The following FAM161B variants were observed in gnomAD, a reference collection of about 807,000 sequenced individuals.
FAM161B encodes FAM161 centrosomal protein B, also known as protein FAM161B.
In FAM161B, 46 loss-of-function variants were observed where a neutral mutation model predicts 61.5. The ratio of observed to expected loss-of-function variants is 0.75; its 90% confidence interval spans 0.59 to 0.96. The LOEUF is 0.96. FAM161B is among the 40% of genes least tolerant of loss of function. The probability of loss-of-function intolerance (pLI) is 0.00; values close to 1 mark genes in which losing one functional copy is unlikely to be tolerated. For synonymous variants in FAM161B, 284 were observed against 302.7 expected, an observed-to-expected ratio of 0.94 and a Z score of 0.64; for missense variants, 774 against 800.7, an observed-to-expected ratio of 0.97 and a Z score of 0.40.
At chr14:73,934,589 A>G (rs976321674) in intron 8 of FAM161B, among the ~76,000 whole-genome samples, 195 bp from the exon 9 acceptor site, 4 of 151,152 alleles carry the variant, frequency 2.6e-5, no homozygotes, top group African/African-American at 9.7e-5. Context: ...GGCACGTGCC[A>G]CTGCACCCAG....
the FAM161B span, chr14:73,924,641 A>C: frequency 2.3e-6 from 1 of 437,676 alleles, no homozygotes; most frequent in Non-Finnish European, 4.5e-6. Context: ...GTATTACATT[A>C]GTTTTTATGG....
downstream of FAM161B, chr14:73,927,000 C>T (rs939172204): frequency 1.3e-5 from 2 of 152,982 alleles, no homozygotes; most frequent in Non-Finnish European, 2.9e-5. Context: ...TTTTGGCAAC[C>T]ATTACTGATC....
chr14:73,944,815 G>A lies in FAM161B; in HGVS notation c.445C>T (p.Pro149Ser). The change falls in exon 3 of 9, where the codon CCA becomes TCA. Residue 149 changes from proline to serine, a missense_variant. Coordinates refer to ENST00000286544, the MANE Select transcript of FAM161B (RefSeq NM_152445.3). ...PSNIPRPQTQ[P>S]PSGSRPPSQH... is the part of the protein sequence containing the mutation. ...GAGGGAGGCCGGGAGCCTGAGGGTGGCTGGGTCTGAGGCCTGGGAATGTTG... is the reference window on the plus strand; with the variant it reads ...GAGGGAGGCCGGGAGCCTGAGGGTGACTGGGTCTGAGGCCTGGGAATGTTG... 1.3e-6 allele frequency: 2 copies of A among 1,566,088 alleles called. No homozygotes were observed. Among genetic ancestry groups the A allele is most frequent in the South Asian group, 1.2e-5 (1 of 83,424 alleles).
At chr14:73,944,039 G>A (rs1190460572) in intron 3 of FAM161B, among the ~76,000 whole-genome samples, 1 of 152,190 alleles carries the variant, frequency 6.6e-6, no homozygotes, top group African/African-American at 2.4e-5. Context: ...GTGTCTCACT[G>A]GTTCTCTATT....
intron 5 of FAM161B, among the ~76,000 whole-genome samples, chr14:73,938,716 G>A (rs1368311715): frequency 6.7e-6 from 1 of 148,670 alleles, no homozygotes; most frequent in Admixed American, 6.7e-5. Context: ...AGCTTGCAGT[G>A]AGCCGAGATC....
intron 3 of FAM161B, among the ~76,000 whole-genome samples, chr14:73,943,748 C>G (rs1372385140): frequency 6.6e-6 from 1 of 152,150 alleles, no homozygotes; most frequent in Non-Finnish European, 1.5e-5. Flanking sequence ...GTAAATAACT[C>G]GCCACATTTG....
At chr14:73,946,236 A>T (rs758095423) in intron 2 of FAM161B, 50 bp downstream of exon 2, 3 of 1,543,050 alleles carry the variant, frequency 1.9e-6, no homozygotes, top group Non-Finnish European at 2.7e-6. Context: ...ACACGATGTG[A>T]CCTGTGTGGA....
At position 73,944,763 on chromosome 14, in the gene FAM161B, G is replaced by T; in HGVS notation, c.497C>A (p.Ala166Glu). ...PSQHRSVSSW[A>E]SSITVPRPFR... ...TGGCCGAGGGACAGTAATGGATGAT[G>T]CCCAGGAGCTGACGCTTCTGTGCTG... The change falls in exon 3 of 9, where the codon GCA becomes GAA. Residue 166 changes from alanine to glutamate, a missense_variant. Coordinates refer to ENST00000286544, the MANE Select transcript of FAM161B (RefSeq NM_152445.3). 1 of 1,593,980 alleles carries T rather than the reference G, an allele frequency of 6.3e-7. No homozygotes were observed. Among genetic ancestry groups the T allele is most frequent in the Non-Finnish European group, 8.6e-7 (1 of 1,167,490 alleles).
rs2055937629 is a variant in FAM161B, at chr14:73,932,963, A to G, written c.*1293T>C. 1 of 152,620 alleles carries G rather than the reference A, an allele frequency of 6.6e-6. No individual in the cohort carries two copies. Among genetic ancestry groups the G allele is most frequent in the Non-Finnish European group, 1.5e-5 (1 of 68,344 alleles). 9.5% of individuals were successfully genotyped at this position (152,620 alleles called of 1,614,324 possible). A position where few individuals can be genotyped will look rare whatever the true frequency, so the allele number is the denominator to read the frequency against. On this transcript the variant is annotated 3_prime_UTR_variant, in exon 9 of 9. Transcript: ENST00000286544. ...TTATTGGTGAGAAGAAAATTATTCC[A>G]AAGTTCACCTACTAGTAGAAAATCT...
At chr14:73,942,340 G>T in intron 4 of FAM161B, 29 bp downstream of exon 4, 2 of 1,604,946 alleles carry the variant, frequency 1.2e-6, no homozygotes, top group South Asian at 2.2e-5. Context: ...CCGCAGCCCT[G>T]ACCCTCCCAC....
At chr14:73,938,208 T>A (rs1029132216) in intron 5 of FAM161B, 96 bp from the exon 6 acceptor site, 2 of 1,458,078 alleles carry the variant, frequency 1.4e-6, no homozygotes, top group African/African-American at 2.8e-5. Context: ...CTTGTAGTCC[T>A]AGCACTTTGG....
the FAM161B span, chr14:73,924,797 C>T: frequency 7.8e-6 from 3 of 387,020 alleles, no homozygotes; most frequent in South Asian, 1.9e-5. Flanking sequence ...CTGCCTCAGC[C>T]TCCTGAGTAG....
At chr14:73,923,374 C>G in the FAM161B span, 1 of 1,607,064 alleles carries the variant, frequency 6.2e-7, no homozygotes, top group East Asian at 2.2e-5. Flanking sequence ...TTCATTGAAA[C>G]ATTTTTCTGT....
Position 73,934,250 on chromosome 14 carries a change from T to C in FAM161B, c.*6A>G. On this transcript the variant is annotated 3_prime_UTR_variant, in exon 9 of 9. Coordinates refer to ENST00000286544, the MANE Select transcript of FAM161B (RefSeq NM_152445.3). ...TTTTCAAAAGCAGTAATTTTAAGTG[T>C]AGTGATTAAGCAAGTGATACGAGAT... 2 of 1,604,352 alleles carry C rather than the reference T, an allele frequency of 1.2e-6. No individual in the cohort carries two copies. The highest frequency in any genetic ancestry group is 1.7e-6 in the Non-Finnish European group (2 of 1,177,602).
intron 4 of FAM161B, 124 bp downstream of exon 4, chr14:73,942,245 A>G: frequency 2.1e-6 from 2 of 945,154 alleles, no homozygotes; most frequent in East Asian, 2.6e-5. Flanking sequence ...TCTGCTTACA[A>G]CTGAGCTGGT....
chr14:73,950,080 G>A lies in FAM161B; in HGVS notation c.-54C>T. 2 of 1,606,498 alleles carry A rather than the reference G, an allele frequency of 1.2e-6. No homozygotes were observed. Among genetic ancestry groups the A allele is most frequent in the South Asian group, 1.1e-5 (1 of 91,088 alleles). On this transcript the variant is annotated 5_prime_UTR_variant, in exon 1 of 9. Coordinates refer to ENST00000286544, the MANE Select transcript of FAM161B (RefSeq NM_152445.3). ...TGACAGCGATAGTGGCAGCAGCGGTGGCAGCGAGAGCTATGCGGGGCCAGG... is the reference window on the plus strand; with the variant it reads ...TGACAGCGATAGTGGCAGCAGCGGTAGCAGCGAGAGCTATGCGGGGCCAGG...
the FAM161B span, chr14:73,923,296 G>T: frequency 7.5e-7 from 1 of 1,334,528 alleles, no homozygotes; most frequent in Admixed American, 2.7e-5. Flanking sequence ...GGGAAATAGA[G>T]GAATAGAGTT....
rs1285834941 is a variant in FAM161B at position 73,936,072 on chromosome 14, T to C, written c.1682A>G (p.Glu561Gly). The change falls in exon 8 of 9, where the codon GAA becomes GGA. Residue 561 changes from glutamate to glycine, a missense_variant. Coordinates refer to ENST00000286544, the MANE Select transcript of FAM161B (RefSeq NM_152445.3). ...EQVAKDLAKKEAEQWYLDTLK... is the reference protein window; with the variant it reads ...EQVAKDLAKKGAEQWYLDTLK... ...GGTGTCTAGATACCACTGTTCTGCT[T>C]CTTTCTTGGCTAGATCCTGTGGGAT... The C allele has an allele frequency of 1.2e-6, 2 of 1,609,828 alleles. No homozygotes were observed. Among genetic ancestry groups the C allele is most frequent in the East Asian group, 2.2e-5 (1 of 44,814 alleles).
intron 8 of FAM161B, 59 bp from the exon 9 acceptor site, chr14:73,934,453 A>G: frequency 4.6e-6 from 7 of 1,521,568 alleles, no homozygotes; most frequent in Non-Finnish European, 6.2e-6. Flanking sequence ...ACAGGGTCTC[A>G]CTCTCACCCA....
Sources: gnomAD v4.1 joint callset for allele counts (sites outside exome capture counted in the v4.1 genomes callset) on GRCh38, gnomAD v4.1.1 for gene constraint, MANE v1.5 for transcripts, NCBI Gene and HGNC (gene_info 2026-07-23, HGNC 2026-07-21) for gene names.